The following RYR3 variants were observed in gnomAD, a reference collection of about 807,000 sequenced individuals.
RYR3 encodes the protein ryanodine receptor 3.
RYR3 carries 207 observed loss-of-function variants against 584.3 expected under a neutral mutation model. That is an observed-to-expected ratio of 0.35 (90% CI 0.32 to 0.40). The LOEUF is 0.40. Among genes scored for constraint, RYR3 ranks in the 10% least tolerant of loss-of-function variants. RYR3 has a pLI of 1.00. For missense variants in RYR3, 5,616 were observed against 6,089.2 expected (o/e 0.92, Z 2.59); for synonymous variants, 2,416 against 2,248.5 (o/e 1.07, Z -2.11).
intron 1 of RYR3, among the ~76,000 whole-genome samples, chr15:33,430,096 A>G (rs1567219543): frequency 1.3e-5 from 2 of 152,260 alleles, no homozygotes; most frequent in East Asian, 1.9e-4. Flanking sequence ...GGAGGTGTAC[A>G]CTATTTGTTT....
At chr15:33,780,368 A>G (rs202120899) in intron 65 of RYR3, 27 bp downstream of exon 65, 31 of 1,611,246 alleles carry the variant, frequency 1.9e-5, no homozygotes, top group Non-Finnish European at 2.5e-5. Context: ...AAAGGTCATC[A>G]ACCCATTTCA....
intron 1 of RYR3, among the ~76,000 whole-genome samples, chr15:33,435,105 C>G (rs2045547557): frequency 6.6e-6 from 1 of 152,148 alleles, no homozygotes; most frequent in Non-Finnish European, 1.5e-5. Flanking sequence ...CAGGCGTGAG[C>G]CACCGTGCCC....
Position 33,837,004 on chromosome 15 carries a change from T to C in RYR3, c.11650+17T>C, listed in dbSNP as rs372682916. 3,822 of 1,590,156 alleles carry C rather than the reference T, an allele frequency of 2.4e-3. 11 individuals carry two copies. Among genetic ancestry groups the C allele is most frequent in the Non-Finnish European group, 2.9e-3 (3,385 of 1,159,782 alleles). On this transcript the variant is annotated intron_variant, in intron 88 of 103. Coordinates refer to ENST00000634891, the MANE Select transcript of RYR3 (RefSeq NM_001036.6). Reference sequence around the variant, plus strand: ...TCCTGGAAGGTTGGGCTGTTTGGTATAACTAGGCCTTCACACAACTGTAAT... The same window carrying C: ...TCCTGGAAGGTTGGGCTGTTTGGTACAACTAGGCCTTCACACAACTGTAAT...
At chr15:33,507,998 T>C (rs753230083) in intron 3 of RYR3, among the ~76,000 whole-genome samples, 2 of 151,964 alleles carry the variant, frequency 1.3e-5, no homozygotes, top group Non-Finnish European at 2.9e-5. Context: ...GGAAGGAGAG[T>C]CCTGTGCTAC....
intron 12 of RYR3, among the ~76,000 whole-genome samples, chr15:33,570,821 T>C (rs2057986514): frequency 9.9e-6 from 1 of 100,528 alleles, no homozygotes; most frequent in Admixed American, 1.2e-4. Context: ...TTGATTCTTT[T>C]TGGTGCTACT....
intron 60 of RYR3, among the ~76,000 whole-genome samples, chr15:33,758,989 T>C (rs138803314): frequency 0.028 from 4,228 of 152,292 alleles, 179 homozygotes; most frequent in African/African-American, 0.094. Context: ...CCGCTGGTGA[T>C]ACCCAGGCAA....
intron 38 of RYR3, among the ~76,000 whole-genome samples, chr15:33,670,911 T>C (rs2063800562): frequency 6.6e-6 from 1 of 152,148 alleles, no homozygotes; most frequent in Non-Finnish European, 1.5e-5. Flanking sequence ...TTTCTGTCAC[T>C]TCCCTTTGTG....
At position 33,812,871 on chromosome 15, in the gene RYR3, C is replaced by A. The variant is rs772004060; in HGVS notation, c.10266C>A (p.Asp3422Glu). The part of the protein sequence containing the change: ...NNLHLQEKSD[D>E]PAVKWQLNLY... ...TATGCTTCAATTTTCAGTCTGATGA[C>A]CCAGCTGTAAAATGGCAACTGAACC... is the stretch of plus-strand genomic sequence containing the variant. Residue 3422 changes from aspartate to glutamate, a missense_variant, in exon 73 of 104, where the codon GAC (aspartate) becomes GAA (glutamate). Around this residue, in one of 9 missense-constraint regions of RYR3, gnomAD observed 954 missense variants for 1,132.2 expected, o/e 0.84. Transcript: ENST00000634891. 1.2e-6 allele frequency: 2 copies of A among 1,613,694 alleles called. No homozygotes were observed. Among genetic ancestry groups the A allele is most frequent in the Non-Finnish European group, 1.7e-6 (2 of 1,179,672 alleles).
At chr15:33,795,425 T>C (rs972411843) in intron 67 of RYR3, among the ~76,000 whole-genome samples, 8 of 141,486 alleles carry the variant, frequency 5.7e-5, no homozygotes, top group African/African-American at 1.8e-4. Context: ...CTCACTCTGT[T>C]GCCCAGCCAG....
intron 38 of RYR3, among the ~76,000 whole-genome samples, chr15:33,694,262 T>C (rs74418117): frequency 6.6e-6 from 1 of 152,054 alleles, no homozygotes; most frequent in Non-Finnish European, 1.5e-5. Flanking sequence ...TTTTTTTTTT[T>C]CAAGACGGAG....
At chr15:33,843,338 G>T (rs1414840354) in intron 91 of RYR3, 150 bp from the exon 92 acceptor site, 5 of 574,064 alleles carry the variant, frequency 8.7e-6, no homozygotes, top group Non-Finnish European at 1.6e-5. Context: ...AGAAAGAAAA[G>T]AATGCCAGGG....
chr15:33,739,638 T>G (rs955542903), intron 50 of RYR3, among the ~76,000 whole-genome samples, 194 bp from the exon 51 acceptor site: 1 of 151,476 alleles, frequency 6.6e-6, no homozygotes, highest in Non-Finnish European at 1.5e-5. Flanking sequence ...CTTGAGGATT[T>G]ATAGTGTTAT....
At chr15:33,709,874 A>G (rs1197836595) in intron 43 of RYR3, among the ~76,000 whole-genome samples, 1 of 152,222 alleles carries the variant, frequency 6.6e-6, no homozygotes, top group East Asian at 1.9e-4. Context: ...AGGTGGTTAT[A>G]ATGGGGAAAA....
Position 33,613,205 on chromosome 15 carries a change from T to C in RYR3, c.2187T>C (p.Ala729=), listed in dbSNP as rs1335159869. Residue 729 remains alanine (A), a synonymous_variant, in exon 19 of 104, where the codon GCT becomes GCC. Transcript: ENST00000634891. The part of the protein sequence containing the change: ...LWSGRIPRAV[A]SINQHLLRSD... Reference sequence around the variant, plus strand: ...CAGGCCGGATACCCAGAGCTGTGGCTTCCATCAACCAGCACCTCCTGAGAT... The same window carrying C: ...CAGGCCGGATACCCAGAGCTGTGGCCTCCATCAACCAGCACCTCCTGAGAT... 6.2e-7 allele frequency: 1 copy of C among 1,613,792 alleles called. No individual in the cohort carries two copies. The highest frequency in any genetic ancestry group is 2.2e-5 in the East Asian group (1 of 44,860).
chr15:33,471,069 C>T (rs1413265764), intron 1 of RYR3, among the ~76,000 whole-genome samples: 1 of 152,174 alleles, frequency 6.6e-6, no homozygotes, highest in East Asian at 1.9e-4. Flanking sequence ...AAACAGAATT[C>T]AGTGCAAAGA....
chr15:33,769,682 G>A (rs753451269), intron 62 of RYR3, among the ~76,000 whole-genome samples: 20 of 152,218 alleles, frequency 1.3e-4, no homozygotes, highest in Admixed American at 1.2e-3. Context: ...GGCCAGGCGC[G>A]GTGGCTCATG....
intron 31 of RYR3, among the ~76,000 whole-genome samples, chr15:33,652,316 T>C (rs977168437): frequency 1.3e-5 from 2 of 152,116 alleles, no homozygotes; most frequent in Non-Finnish European, 2.9e-5. Flanking sequence ...AACCCAGACT[T>C]TTTTTCTGCC....
intron 1 of RYR3, among the ~76,000 whole-genome samples, chr15:33,396,158 C>T (rs965044725): frequency 1.3e-5 from 2 of 152,090 alleles, no homozygotes; most frequent in South Asian, 2.1e-4. Flanking sequence ...ATTCAGGGGC[C>T]GGCCCACTTG....
intron 67 of RYR3, among the ~76,000 whole-genome samples, chr15:33,799,352 C>T (rs1285675717): frequency 6.6e-6 from 1 of 152,306 alleles, no homozygotes; most frequent in African/African-American, 2.4e-5. Context: ...CCTCCCCTAA[C>T]CTCTGGGGAG....
Sources: allele counts gnomAD v4.1 joint callset (sites outside exome capture counted in the v4.1 genomes callset), GRCh38; gene constraint gnomAD v4.1.1; regional missense constraint gnomAD v4.1.1; transcripts MANE v1.5; gene names NCBI Gene and HGNC (gene_info 2026-07-23, HGNC 2026-07-21).